IQCM: variants seen among roughly 807,000 people sequenced by gnomAD.
The protein encoded by IQCM is IQ domain-containing protein M.
IQCM carries 45 observed loss-of-function variants against 57.6 expected under a neutral mutation model. That is an observed-to-expected ratio of 0.78 (90% CI 0.62 to 1.00). The LOEUF (loss-of-function observed/expected upper bound fraction) is 1.00, where lower values mean the gene tolerates loss of function less well. Ranked by LOEUF, IQCM falls within the 50% of genes least tolerant of loss-of-function variation. IQCM has a pLI of 0.00. For missense variants in IQCM, 468 were observed against 511.6 expected (o/e 0.91, Z 0.82); for synonymous variants, 148 against 158.9 (o/e 0.93, Z 0.51).
chr4:149,466,223 G>C (rs1228254179), intron 12 of IQCM, among the ~76,000 whole-genome samples: 1 of 152,188 alleles, frequency 6.6e-6, no homozygotes, highest in African/African-American at 2.4e-5. Flanking sequence ...TTCCAACTAG[G>C]CTGTAAGCCA....
chr4:149,506,807 T>A (rs17026287), intron 12 of IQCM, among the ~76,000 whole-genome samples: 2,619 of 152,186 alleles, frequency 0.017, 77 homozygotes, highest in African/African-American at 0.06. Context: ...CCTGGTTACC[T>A]CTTATCTCCC....
At chr4:149,747,671 T>C (rs1453356311) in intron 2 of IQCM, among the ~76,000 whole-genome samples, 1 of 152,148 alleles carries the variant, frequency 6.6e-6, no homozygotes, top group Non-Finnish European at 1.5e-5. Context: ...TCCAAACTTG[T>C]GAGAGGGCCA....
At chr4:149,519,824 G>T (rs944299415) in intron 12 of IQCM, among the ~76,000 whole-genome samples, 1 of 151,668 alleles carries the variant, frequency 6.6e-6, no homozygotes, top group African/African-American at 2.4e-5. Flanking sequence ...CTAACACGGT[G>T]AAACCCTGTC....
intron 3 of IQCM, among the ~76,000 whole-genome samples, chr4:149,739,977 T>C (rs1767303375): frequency 6.6e-6 from 1 of 152,192 alleles, no homozygotes; most frequent in Non-Finnish European, 1.5e-5. Flanking sequence ...GAAAATCTAG[T>C]TATGGAAACT....
intron 12 of IQCM, among the ~76,000 whole-genome samples, chr4:149,543,747 A>T (rs1254594219): frequency 2.8e-4 from 1 of 3,628 alleles, no homozygotes; most frequent in East Asian, 9.3e-3. Flanking sequence ...ATAGAAATAA[A>T]AAAAGTGAAA....
At chr4:149,467,228 T>C (rs1738949357) in intron 12 of IQCM, among the ~76,000 whole-genome samples, 1 of 152,192 alleles carries the variant, frequency 6.6e-6, no homozygotes, top group African/African-American at 2.4e-5. Context: ...TACAAAAATC[T>C]CTTCCAAAGC....
intron 13 of IQCM, among the ~76,000 whole-genome samples, chr4:149,416,084 A>G (rs972443866): frequency 1.3e-5 from 2 of 152,076 alleles, no homozygotes; most frequent in African/African-American, 4.8e-5. Flanking sequence ...GTTAATTTAG[A>G]ATCCTAATCA....
At chr4:149,443,698 GGAAA>G (rs1736205989) in intron 12 of IQCM, among the ~76,000 whole-genome samples, 1 of 140,890 alleles carries the variant, frequency 7.1e-6, no homozygotes, top group Admixed American at 7.3e-5. Flanking sequence ...GGAAAGGAAA[GGAAA>G]GGAAAGGAAA....
At chr4:149,502,151 TACAC>T (rs1553983015) in intron 12 of IQCM, among the ~76,000 whole-genome samples, 10 of 149,452 alleles carry the variant, frequency 6.7e-5, no homozygotes, top group African/African-American at 2.5e-5. Flanking sequence ...TATATATATA[TACAC>T]ACACACACAC....
intron 12 of IQCM, among the ~76,000 whole-genome samples, chr4:149,483,860 T>C (rs1255694604): frequency 6.6e-6 from 1 of 151,934 alleles, no homozygotes; most frequent in Non-Finnish European, 1.5e-5. Flanking sequence ...CAGTGCTGAA[T>C]CTGGGGTGTT....
intron 13 of IQCM, among the ~76,000 whole-genome samples, chr4:149,399,856 T>C (rs1403297586): frequency 6.6e-6 from 1 of 152,088 alleles, no homozygotes; most frequent in East Asian, 1.9e-4. Context: ...CGTAGCAAGT[T>C]CTCTTCAATA....
intron 8 of IQCM, among the ~76,000 whole-genome samples, chr4:149,612,125 C>T (rs1755351562): frequency 6.6e-6 from 1 of 151,238 alleles, no homozygotes; most frequent in Non-Finnish European, 1.5e-5. Flanking sequence ...GGAGGAAGTA[C>T]CACACACCTT....
chr4:149,397,277 T>C (rs1254293132), intron 13 of IQCM, among the ~76,000 whole-genome samples: 1 of 151,886 alleles, frequency 6.6e-6, no homozygotes, highest in African/African-American at 2.4e-5. Context: ...TGGTTGTGAG[T>C]TGCATTTCCC....
At chr4:149,624,522 T>C (rs1756629621) in intron 7 of IQCM, among the ~76,000 whole-genome samples, 1 of 152,092 alleles carries the variant, frequency 6.6e-6, no homozygotes. Context: ...GCTTAAATTA[T>C]ACAAATGACT....
At chr4:149,359,015 T>TAA (rs35244203) in intron 13 of IQCM, among the ~76,000 whole-genome samples, 15,065 of 151,538 alleles carry the variant, frequency 0.099, 1,238 homozygotes, top group African/African-American at 0.23. Context: ...TGAAAAAACC[T>TAA]AAAGAAGGGG....
At chr4:149,354,632 C>T (rs535794204) in intron 13 of IQCM, among the ~76,000 whole-genome samples, 1 of 151,998 alleles carries the variant, frequency 6.6e-6, no homozygotes, top group East Asian at 1.9e-4. Context: ...TATAATATAA[C>T]ATTACTCAAA....
In IQCM at chr4:149,483,225, T is replaced by G. The variant is rs551252357; in HGVS notation, c.1229-49668A>C. 4.8e-4 allele frequency among the ~76,000 whole-genome samples: 73 copies of G among 152,002 alleles called. 1 individual carries two copies. The South Asian group carries it at 0.015, about 32-fold the overall frequency. On this transcript the variant is annotated intron_variant, in intron 12 of 13. Coordinates refer to ENST00000636793, the MANE Select transcript of IQCM (RefSeq NM_001363507.2). ...TCTTTATCTTTGCAAAAAAACTTTTTGTTTCATTGATCTTTTGTATTGTTT... is the reference window on the plus strand; with the variant it reads ...TCTTTATCTTTGCAAAAAAACTTTTGGTTTCATTGATCTTTTGTATTGTTT...
At chr4:149,391,559 C>A (rs764321714) in intron 13 of IQCM, among the ~76,000 whole-genome samples, 2 of 151,754 alleles carry the variant, frequency 1.3e-5, no homozygotes, top group Non-Finnish European at 2.9e-5. Flanking sequence ...TGCTCTTCTA[C>A]TTCTGGATTC....
At chr4:149,813,786 C>T (rs1201346684) in intron 2 of IQCM, among the ~76,000 whole-genome samples, 1 of 151,992 alleles carries the variant, frequency 6.6e-6, no homozygotes, top group African/African-American at 2.4e-5. Flanking sequence ...TTGGCTAGTC[C>T]TCAATAATAT....
Sources: gnomAD v4.1 joint callset for allele counts (sites outside exome capture counted in the v4.1 genomes callset) on GRCh38, gnomAD v4.1.1 for gene constraint, MANE v1.5 for transcripts, NCBI Gene and HGNC (gene_info 2026-07-23, HGNC 2026-07-21) for gene names.